Variants in NSMCE1 observed in about 807,000 individuals in gnomAD.
NSMCE1 encodes NSE1 component of SMC5/6 complex, also known as non-structural maintenance of chromosomes element 1 homolog.
NSMCE1 carries 18 observed loss-of-function variants against 29.6 expected under a neutral mutation model. That is an observed-to-expected ratio of 0.61 (90% CI 0.42 to 0.90). The LOEUF is 0.90. Among genes scored for constraint, NSMCE1 ranks in the 40% least tolerant of loss-of-function variants. The probability of loss-of-function intolerance (pLI) is 0.00; values close to 1 mark genes in which losing one functional copy is unlikely to be tolerated. For missense variants in NSMCE1, 314 were observed against 343.6 expected (o/e 0.91, Z 0.68); for synonymous variants, 124 against 133.4 (o/e 0.93, Z 0.49).
chr16:27,240,633 T>TGGCAA lies in NSMCE1; in HGVS notation c.137-5339_137-5335dup, dbSNP rs375192932. ...TTTAACAGGAAATGCCCATCAGTGG[T>TGGCAA]GGCAATTGAAAACGGGCCTCCAGGC... On this transcript the variant is annotated intron_variant, in intron 2 of 7. Transcript: ENST00000361439. 6.4e-4 allele frequency among the ~76,000 whole-genome samples: 97 copies of TGGCAA among 152,258 alleles called. No homozygotes were observed. The East Asian group carries it at 0.015, about 24-fold the overall frequency.
intron 1 of NSMCE1, among the ~76,000 whole-genome samples, chr16:27,260,063 T>C (rs970963482): frequency 6.6e-6 from 1 of 152,174 alleles, no homozygotes; most frequent in African/African-American, 2.4e-5. Context: ...TTGGAAGGTC[T>C]AAAATGCAGG....
chr16:27,233,170 T>C (rs1444621681), intron 4 of NSMCE1, 23 bp from the exon 5 acceptor site: 18 of 1,601,572 alleles, frequency 1.1e-5, no homozygotes, highest in Non-Finnish European at 1.5e-5. Flanking sequence ...GCAGGTATCA[T>C]GCTCATCTAT....
chr16:27,258,879 T>C (rs6498005), intron 1 of NSMCE1, among the ~76,000 whole-genome samples: 9,550 of 151,952 alleles, frequency 0.063, 746 homozygotes, highest in African/African-American at 0.19. Flanking sequence ...GCCTCCCAAG[T>C]AGCTGGAACT....
chr16:27,246,231 T>C (rs1214866084), intron 2 of NSMCE1, among the ~76,000 whole-genome samples: 3 of 152,224 alleles, frequency 2.0e-5, no homozygotes, highest in Non-Finnish European at 4.4e-5. Flanking sequence ...AACATCAAAT[T>C]ATTTACTCTG....
intron 2 of NSMCE1, among the ~76,000 whole-genome samples, chr16:27,243,203 T>C (rs975078618): frequency 6.6e-6 from 1 of 152,172 alleles, no homozygotes; most frequent in Non-Finnish European, 1.5e-5. Context: ...ACAAACACTA[T>C]AGTGCAAACA....
intron 2 of NSMCE1, among the ~76,000 whole-genome samples, chr16:27,236,506 A>T (rs927209062): frequency 6.6e-6 from 1 of 152,070 alleles, no homozygotes; most frequent in African/African-American, 2.4e-5. Flanking sequence ...CATGTTGGCC[A>T]GGCTGGTCTC....
In NSMCE1 at chr16:27,225,769, CG is replaced by C; in HGVS notation, c.677del (p.Pro226ArgfsTer29). On this transcript the variant is annotated frameshift_variant, in exon 7 of 8. Transcript: ENST00000361439. LOFTEE classifies it high-confidence loss of function. ...AGTAGTCGTTGCAGTGGGGGCAGCG[CG>C]GTTCAGCATTCGACTGGAAGTACTT... The part of the protein sequence containing the change: ...VAKYFQSNAE[P>X]RCPHCNDYWP... The C allele has an allele frequency of 6.2e-7, 1 of 1,614,154 alleles. No homozygotes were observed. The highest frequency in any genetic ancestry group is 8.5e-7 in the Non-Finnish European group (1 of 1,180,026).
At chr16:27,248,593 T>C (rs1163720665) in intron 2 of NSMCE1, among the ~76,000 whole-genome samples, 1 of 151,598 alleles carries the variant, frequency 6.6e-6, no homozygotes, top group East Asian at 2.0e-4. Context: ...GTATTTTTAG[T>C]AGACACAGGG....
rs752550174 is a variant in NSMCE1 at position 27,264,920 on chromosome 16, C to A, written c.-12+3786G>T. ...ATTCAGACTATATAAGGAATTCCTA[C>A]AAATCAGCATGGGAAACACAACTGT... On this transcript the variant is annotated intron_variant, in intron 1 of 7. Transcript: ENST00000361439. Among the ~76,000 whole-genome samples the A allele has an allele frequency of 2.6e-4, 40 of 152,000 alleles. No homozygotes were observed. In the Middle Eastern group the frequency reaches 0.01, roughly 39 times the overall value.
intron 2 of NSMCE1, among the ~76,000 whole-genome samples, chr16:27,248,793 AT>A (rs2083988694): frequency 6.6e-6 from 1 of 151,632 alleles, no homozygotes; most frequent in Non-Finnish European, 1.5e-5. Flanking sequence ...GTGTTCAAAT[AT>A]TTTGCACACT....
intron 4 of NSMCE1, among the ~76,000 whole-genome samples, chr16:27,233,542 CAGG>C (rs1406276042): frequency 6.6e-6 from 1 of 152,198 alleles, no homozygotes; most frequent in Admixed American, 6.5e-5. Context: ...TAATAATCCC[CAGG>C]AGAAGATCTA....
chr16:27,233,162 A>G lies in NSMCE1; in HGVS notation c.337-15T>C. The G allele has an allele frequency of 3.7e-6, 6 of 1,609,320 alleles. No homozygotes were observed. Among genetic ancestry groups the G allele is most frequent in the Non-Finnish European group, 8.5e-7 (1 of 1,178,298 alleles). On this transcript the variant is annotated splice_polypyrimidine_tract_variant and intron_variant, in intron 4 of 7. Coordinates refer to ENST00000361439, the MANE Select transcript of NSMCE1 (RefSeq NM_145080.4). ...ATCAGTTCCAGCTGGAAGAAAGAGC[A>G]GGTATCATGCTCATCTATTAAAATG...
intron 2 of NSMCE1, among the ~76,000 whole-genome samples, chr16:27,236,447 C>G (rs1428688144): frequency 6.6e-6 from 1 of 151,984 alleles, no homozygotes; most frequent in Non-Finnish European, 1.5e-5. Flanking sequence ...CAGGCATGCA[C>G]CACCACACCC....
chr16:27,244,745 C>G (rs1335727778), intron 2 of NSMCE1, among the ~76,000 whole-genome samples: 1 of 152,250 alleles, frequency 6.6e-6, no homozygotes, highest in Non-Finnish European at 1.5e-5. Flanking sequence ...GCACTTAGCA[C>G]CCCAAACTAC....
At position 27,251,177 on chromosome 16, in the gene NSMCE1, T is replaced by TATATATAA. The variant is rs1345113779; in HGVS notation, c.136+6257_136+6258insTTATATAT. Among the ~76,000 whole-genome samples the TATATATAA allele has an allele frequency of 9.6e-5, 5 of 52,128 alleles. No homozygotes were observed. In the East Asian group the frequency reaches 5.5e-3, roughly 58 times the overall value. 34.2% of individuals were successfully genotyped at this position (52,128 alleles called of 152,430 possible). Reference sequence around the variant, plus strand: ...TATTTAAAATATATATATATATATATATATATATATATAAATATATATATA... The same window carrying TATATATAA: ...TATTTAAAATATATATATATATATATATATATAAATATATATATATAAATATATATATA... On this transcript the variant is annotated intron_variant, in intron 2 of 7. Transcript: ENST00000361439.
At chr16:27,228,375 A>G (rs1382650884) in intron 5 of NSMCE1, among the ~76,000 whole-genome samples, 3 of 152,034 alleles carry the variant, frequency 2.0e-5, no homozygotes, top group Non-Finnish European at 2.9e-5. Context: ...GCTGTGGGCA[A>G]TGGGAGGATG....
At chr16:27,226,374 A>C (rs895969026) in intron 6 of NSMCE1, 1 of 287,698 alleles carries the variant, frequency 3.5e-6, no homozygotes, top group African/African-American at 2.2e-5. Context: ...AACCAGTGTT[A>C]AGACCACTCC....
intron 1 of NSMCE1, among the ~76,000 whole-genome samples, 153 bp from the exon 2 acceptor site, chr16:27,257,734 C>T (rs550094871): frequency 2.0e-5 from 3 of 152,236 alleles, no homozygotes; most frequent in Admixed American, 6.5e-5. Flanking sequence ...AAGAAGAACA[C>T]GAGTCACAGC....
intron 2 of NSMCE1, among the ~76,000 whole-genome samples, chr16:27,240,588 G>T (rs1010816703): frequency 3.3e-5 from 5 of 152,204 alleles, no homozygotes; most frequent in Admixed American, 3.3e-4. Context: ...AGACCCTGGA[G>T]CGAACAGAGC....
Sources: allele counts gnomAD v4.1 joint callset (sites outside exome capture counted in the v4.1 genomes callset), GRCh38; gene constraint gnomAD v4.1.1; transcripts MANE v1.5; gene names NCBI Gene and HGNC (gene_info 2026-07-23, HGNC 2026-07-21).